Variants in SMOC2 observed in about 807,000 individuals in gnomAD.
The protein encoded by SMOC2 is SPARC-related modular calcium-binding protein 2.
Under a neutral mutation model 61.4 loss-of-function variants are expected in SMOC2, and 39 were observed. The observed-to-expected ratio is 0.64, with a 90% CI of 0.49 to 0.83. The LOEUF is 0.83. Among genes scored for constraint, SMOC2 ranks in the 40% least tolerant of loss-of-function variants. The pLI, the probability that SMOC2 is intolerant of heterozygous loss-of-function variation, is 0.00. For missense variants in SMOC2, 556 were observed against 592.9 expected (o/e 0.94, Z 0.65); for synonymous variants, 247 against 239.9 (o/e 1.03, Z -0.27).
chr6:168,546,376 G>C (rs934755955), intron 5 of SMOC2, among the ~76,000 whole-genome samples: 1 of 151,564 alleles, frequency 6.6e-6, no homozygotes, highest in African/African-American at 2.4e-5. Flanking sequence ...CCACCATCCT[G>C]CCAGGTCTCT....
At chr6:168,650,881 T>G (rs1430811087) in intron 10 of SMOC2, 98 bp downstream of exon 10, 1 of 1,121,736 alleles carries the variant, frequency 8.9e-7, no homozygotes, top group East Asian at 2.6e-5. Flanking sequence ...CCTTCTCAGC[T>G]TATTTGGACA....
intron 7 of SMOC2, among the ~76,000 whole-genome samples, chr6:168,591,301 G>T (rs1785175357): frequency 6.6e-6 from 1 of 152,230 alleles, no homozygotes; most frequent in South Asian, 2.1e-4. Flanking sequence ...AGAGAAGGGA[G>T]CACACAGGCA....
In SMOC2 at chr6:168,526,459, G is replaced by A. The variant is rs753133484; in HGVS notation, c.363+7G>A. On this transcript the variant is annotated splice_region_variant and intron_variant, in intron 3 of 12. Transcript: ENST00000356284. ...CGACGGCACCTACAGTCAGGTTACC[G>A]GCCTTGCTTGGGAGGTTCTGCACCT... 50 of 1,612,340 alleles carry A rather than the reference G, an allele frequency of 3.1e-5. No homozygotes were observed. Among genetic ancestry groups the A allele is most frequent in the Non-Finnish European group, 3.7e-5 (44 of 1,178,648 alleles).
At chr6:168,526,572 G>A (rs1783460509) in intron 3 of SMOC2, 120 bp downstream of exon 3, 1 of 736,044 alleles carries the variant, frequency 1.4e-6, no homozygotes, top group African/African-American at 1.7e-5. Flanking sequence ...TTTGTTCTCT[G>A]GGGAAATCAG....
chr6:168,581,283 A>C (rs953729663), intron 7 of SMOC2, among the ~76,000 whole-genome samples: 2 of 152,198 alleles, frequency 1.3e-5, no homozygotes, highest in African/African-American at 4.8e-5. Flanking sequence ...TGAAGACAAC[A>C]TGCGTAAAAA....
chr6:168,497,276 C>A (rs1043928564), intron 1 of SMOC2, among the ~76,000 whole-genome samples: 10 of 152,258 alleles, frequency 6.6e-5, no homozygotes, highest in Non-Finnish European at 1.5e-4. Context: ...GGGCTGGCAT[C>A]TTCGTGTGTT....
At chr6:168,601,940 G>A (rs112435955) in intron 8 of SMOC2, among the ~76,000 whole-genome samples, 11 of 152,278 alleles carry the variant, frequency 7.2e-5, no homozygotes, top group Admixed American at 2.0e-4. Flanking sequence ...CTACAGAAGC[G>A]GGCAGCTCCG....
intron 2 of SMOC2, among the ~76,000 whole-genome samples, chr6:168,518,884 AGCAT>A (rs1291050813): frequency 7.1e-6 from 1 of 140,996 alleles, no homozygotes; most frequent in Non-Finnish European, 1.5e-5. Flanking sequence ...CATGTGTCTG[AGCAT>A]GCGTGTGTGT....
intron 1 of SMOC2, among the ~76,000 whole-genome samples, chr6:168,456,260 C>G (rs1187222624): frequency 6.6e-6 from 1 of 152,256 alleles, no homozygotes; most frequent in Non-Finnish European, 1.5e-5. Flanking sequence ...CCGTTTATGA[C>G]TGCGATTAGC....
intron 6 of SMOC2, 124 bp downstream of exon 6, chr6:168,547,293 C>T: frequency 1.3e-6 from 1 of 777,962 alleles, no homozygotes; most frequent in Non-Finnish European, 2.2e-6. Context: ...ACATGCCAGA[C>T]ACAGACAGAA....
At chr6:168,483,772 G>T (rs1782266258) in intron 1 of SMOC2, among the ~76,000 whole-genome samples, 1 of 152,058 alleles carries the variant, frequency 6.6e-6, no homozygotes, top group African/African-American at 2.4e-5. Flanking sequence ...AGAATAGAGA[G>T]CCCAGAAATA....
chr6:168,514,032 G>A (rs575091094), intron 2 of SMOC2, among the ~76,000 whole-genome samples: 5 of 152,342 alleles, frequency 3.3e-5, no homozygotes, highest in African/African-American at 1.2e-4. Context: ...ACACAGCGGG[G>A]TGCACAGGGG....
chr6:168,600,876 C>T (rs1042218854), intron 8 of SMOC2, among the ~76,000 whole-genome samples: 3 of 152,122 alleles, frequency 2.0e-5, no homozygotes, highest in Non-Finnish European at 4.4e-5. Flanking sequence ...GTTGGAGCAA[C>T]GTGAGGGTTT....
At chr6:168,515,358 T>C (rs1783104600) in intron 2 of SMOC2, among the ~76,000 whole-genome samples, 1 of 152,172 alleles carries the variant, frequency 6.6e-6, no homozygotes, top group South Asian at 2.1e-4. Flanking sequence ...GAGAGACTGT[T>C]CCCCGCGCAT....
Position 168,441,239 on chromosome 6 carries a change from A to G in SMOC2, c.-132A>G. 1 of 1,307,924 alleles carries G rather than the reference A, an allele frequency of 7.6e-7. No individual in the cohort carries two copies. The highest frequency in any genetic ancestry group is 3.2e-5 in the East Asian group (1 of 31,108). The allele number at this position is 1,307,924 out of a possible 1,614,324, so 81.0% of individuals were successfully genotyped here. A position where few individuals can be genotyped will look rare whatever the true frequency, so the allele number is the denominator to read the frequency against. Reference sequence around the variant, plus strand: ...GAGCTGCTCCAGCCGGGCCGCCGGGAGCGGTGGGGAGAGCATCGCGGAGCC... The same window carrying G: ...GAGCTGCTCCAGCCGGGCCGCCGGGGGCGGTGGGGAGAGCATCGCGGAGCC... On this transcript the variant is annotated 5_prime_UTR_variant, in exon 1 of 13. Coordinates refer to ENST00000356284, the MANE Select transcript of SMOC2 (RefSeq NM_001166412.2).
chr6:168,650,880 C>T lies in SMOC2; in HGVS notation c.1010+97C>T, dbSNP rs940748360. On this transcript the variant is annotated intron_variant, in intron 10 of 12. Coordinates refer to ENST00000356284, the MANE Select transcript of SMOC2 (RefSeq NM_001166412.2). ...CATTACATATTGGCAACCTTCTCAG[C>T]TTATTTGGACACAGTAGGGCCTTAA... 5 of 1,116,894 alleles carry T rather than the reference C, an allele frequency of 4.5e-6. No individual in the cohort carries two copies. The African/African-American group carries it at 7.8e-5, about 17-fold the overall frequency. 69.2% of individuals were successfully genotyped at this position (1,116,894 alleles called of 1,614,324 possible). A position where few individuals can be genotyped will look rare whatever the true frequency, so the allele number is the denominator to read the frequency against.
chr6:168,606,841 G>C (rs58019328), intron 8 of SMOC2, among the ~76,000 whole-genome samples: 23,476 of 152,020 alleles, frequency 0.15, 2,123 homozygotes, highest in Middle Eastern at 0.3. Context: ...GCCCCATGAT[G>C]GTGTTGGCGG....
chr6:168,493,403 C>T (rs1782515345), intron 1 of SMOC2, among the ~76,000 whole-genome samples: 1 of 152,216 alleles, frequency 6.6e-6, no homozygotes, highest in Non-Finnish European at 1.5e-5. Context: ...TTGTTAAAAA[C>T]TTAATTCCTT....
chr6:168,582,345 G>T (rs1445409431), intron 7 of SMOC2, among the ~76,000 whole-genome samples: 1 of 152,150 alleles, frequency 6.6e-6, no homozygotes, highest in African/African-American at 2.4e-5. Context: ...ACCGTTACTA[G>T]CTCTCCCCAC....
Sources: allele counts gnomAD v4.1 joint callset (sites outside exome capture counted in the v4.1 genomes callset), GRCh38; gene constraint gnomAD v4.1.1; transcripts MANE v1.5; gene names NCBI Gene and HGNC (gene_info 2026-07-23, HGNC 2026-07-21).